The following GPR78 variants were observed in gnomAD, a reference collection of about 807,000 sequenced individuals.
GPR78 encodes the protein G protein-coupled receptor 78.
GPR78 carries 29 observed loss-of-function variants against 17.9 expected under a neutral mutation model. The observed-to-expected ratio is 1.62, with a 90% CI of 1.20 to 2.21. The LOEUF is 2.21. Among genes scored for constraint, GPR78 ranks in the 30% most tolerant of loss-of-function variants. GPR78 has a pLI of 0.00. For synonymous variants in GPR78, 349 were observed against 256.9 expected (o/e 1.36, Z -3.43); for missense variants, 649 against 530.5 (o/e 1.22, Z -2.19).
Position 8,587,445 on chromosome 4 carries a change from G to T in GPR78, c.*82G>T, listed in dbSNP as rs529805512. ...GGCCCTGCCACAGAGATGCCACTGG[G>T]GACCCCCAGACACCAGTGGCTTGAC... On this transcript the variant is annotated 3_prime_UTR_variant, in exon 3 of 3. Transcript: ENST00000382487. 2.2e-6 allele frequency: 3 copies of T among 1,383,844 alleles called. No homozygotes were observed. The South Asian group carries it at 4.0e-5, about 19-fold the overall frequency. The allele number at this position is 1,383,844 out of a possible 1,614,324, so 85.7% of individuals were successfully genotyped here. A position where few individuals can be genotyped will look rare whatever the true frequency, so the allele number is the denominator to read the frequency against.
Position 8,581,212 on chromosome 4 carries a change from G to T in GPR78, c.230G>T (p.Gly77Val). The change falls in exon 1 of 3, where the codon GGC (glycine) becomes GTC (valine). Residue 77 changes from glycine (G) to valine (V), a missense_variant. By Grantham distance (109) the Gly-to-Val change is moderately radical (BLOSUM62 -3). Coordinates refer to ENST00000382487, the MANE Select transcript of GPR78 (RefSeq NM_080819.5). The stretch of plus-strand genomic sequence containing the variant: ...CGCGGGCGGACACCGTCGGCGCCCG[G>T]CGCATGCCAAGTCATTGGCTTCCTG... ...VMRGRTPSAP[G>V]ACQVIGFLDT... 6.3e-7 allele frequency: 1 copy of T among 1,599,130 alleles called. No individual in the cohort carries two copies.
Position 8,580,966 on chromosome 4 carries a change from G to C in GPR78, c.-17G>C. On this transcript the variant is annotated 5_prime_UTR_variant, in exon 1 of 3. Transcript: ENST00000382487. ...GAGCCATGAGAACCCCAGGGTGCCTGGCGAGCCGCTAGCGCCATGGGCCCC... is the reference window on the plus strand; with the variant it reads ...GAGCCATGAGAACCCCAGGGTGCCTCGCGAGCCGCTAGCGCCATGGGCCCC... 2 of 1,539,156 alleles carry C rather than the reference G, an allele frequency of 1.3e-6. No homozygotes were observed. The highest frequency in any genetic ancestry group is 1.7e-6 in the Non-Finnish European group (2 of 1,146,730).
At position 8,580,991 on chromosome 4, in the gene GPR78, C is replaced by T. The variant is rs765637691; in HGVS notation, c.9C>T (p.Pro3=). 3.3e-5 allele frequency: 53 copies of T among 1,583,670 alleles called. No individual in the cohort carries two copies. The highest frequency in any genetic ancestry group is 4.0e-5 in the Non-Finnish European group (47 of 1,166,590). The change falls in exon 1 of 3, where the codon CCC becomes CCT. Residue 3 remains proline, a synonymous_variant. Coordinates refer to ENST00000382487, the MANE Select transcript of GPR78 (RefSeq NM_080819.5). MG[P]GEALLAGLLV... is the part of the protein sequence containing the mutation. ...GGCGAGCCGCTAGCGCCATGGGCCCCGGCGAGGCGCTGCTGGCGGGTCTCC... is the reference window on the plus strand; with the variant it reads ...GGCGAGCCGCTAGCGCCATGGGCCCTGGCGAGGCGCTGCTGGCGGGTCTCC...
At position 8,587,270 on chromosome 4, in the gene GPR78, G is replaced by A; in HGVS notation, c.999G>A (p.Val333=). The part of the protein sequence containing the change: ...HDSSLDVAGM[V]HQLLKRTPRP... Reference sequence around the variant, plus strand: ...GCTCTCTGGATGTGGCCGGCATGGTGCACCAGCTGCTGAAGAGAACCCCGC... The same window carrying A: ...GCTCTCTGGATGTGGCCGGCATGGTACACCAGCTGCTGAAGAGAACCCCGC... The change falls in exon 3 of 3, where the codon GTG becomes GTA. Residue 333 remains valine, a synonymous_variant. Coordinates refer to ENST00000382487, the MANE Select transcript of GPR78 (RefSeq NM_080819.5). 6.3e-7 allele frequency: 1 copy of A among 1,597,850 alleles called. No individual in the cohort carries two copies. Among genetic ancestry groups the A allele is most frequent in the Non-Finnish European group, 8.6e-7 (1 of 1,169,186 alleles).
intron 2 of GPR78, among the ~76,000 whole-genome samples, chr4:8,586,704 G>T (rs921029412): frequency 1.3e-5 from 2 of 152,226 alleles, no homozygotes; most frequent in African/African-American, 2.4e-5. Flanking sequence ...GTAGCTGGTT[G>T]TGTGTGCAGG....
At chr4:8,586,875 G>A (rs1283767803) in intron 2 of GPR78, among the ~76,000 whole-genome samples, 179 bp from the exon 3 acceptor site, 1 of 152,212 alleles carries the variant, frequency 6.6e-6, no homozygotes, top group Non-Finnish European at 1.5e-5. Context: ...ACTGGGCCTT[G>A]TAATCCCATT....
rs1713347187 is a variant in GPR78, at chr4:8,582,642, C to CACCT, written c.781_782insCCTA (p.Arg261ThrfsTer2). The CACCT allele has an allele frequency of 6.2e-7, 1 of 1,600,742 alleles. No homozygotes were observed. The highest frequency in any genetic ancestry group is 8.6e-7 in the Non-Finnish European group (1 of 1,167,888). ...TCTGCTTTGCCCCGTATGTCATGAC[C>CACCT]AGGTGGGTCCTGGCAGTCCGGCTCC... On this transcript the variant is annotated frameshift_variant and splice_region_variant, in exon 2 of 3. Transcript: ENST00000382487. LOFTEE classifies it low-confidence loss of function (END_TRUNC).
chr4:8,585,197 T>A (rs62288565), intron 2 of GPR78, among the ~76,000 whole-genome samples: 41,936 of 151,864 alleles, frequency 0.28, 6,378 homozygotes, highest in Middle Eastern at 0.37. Context: ...GGAGGGCAGA[T>A]GGCTACGGTC....
Position 8,580,462 on chromosome 4 carries a change from G to GGATC in GPR78, c.-520_-517dup, listed in dbSNP as rs1442310162. The GGATC allele has an allele frequency of 6.4e-6, 1 of 155,082 alleles. No homozygotes were observed. The highest frequency in any genetic ancestry group is 2.4e-5 in the African/African-American group (1 of 41,548). The allele number at this position is 155,082 out of a possible 1,614,324, so 9.6% of individuals were successfully genotyped here. On this transcript the variant is annotated 5_prime_UTR_variant, in exon 1 of 3. Coordinates refer to ENST00000382487, the MANE Select transcript of GPR78 (RefSeq NM_080819.5). ...GGCGTGGCGAGGGCTGTGCTGCCTAGGATCCACTGAGTGGCTCTTGCTGGC... is the reference window on the plus strand; with the variant it reads ...GGCGTGGCGAGGGCTGTGCTGCCTAGGATCGATCCACTGAGTGGCTCTTGCTGGC...
chr4:8,582,457 C>T, intron 1 of GPR78, 74 bp from the exon 2 acceptor site: 1 of 990,832 alleles, frequency 1.0e-6, no homozygotes, highest in South Asian at 1.3e-5. Context: ...GCCCTCACTT[C>T]AGCCCCTGGG....
chr4:8,586,962 C>G (rs1301860067), intron 2 of GPR78, 92 bp from the exon 3 acceptor site: 1 of 1,168,182 alleles, frequency 8.6e-7, no homozygotes, highest in Non-Finnish European at 1.3e-6. Context: ...GCGGTACGTA[C>G]TTGAGTATGG....
intron 2 of GPR78, among the ~76,000 whole-genome samples, chr4:8,583,222 C>T (rs371054221): frequency 5.2e-4 from 79 of 152,272 alleles, no homozygotes; most frequent in African/African-American, 1.7e-3. Context: ...TTTTTGCCTC[C>T]GGGGTTCCTG....
rs773750185 is a variant in GPR78, at chr4:8,581,311, T to C, written c.329T>C (p.Phe110Ser). The change falls in exon 1 of 3, where the codon TTC becomes TCC. Residue 110 changes from phenylalanine to serine, a missense_variant. Transcript: ENST00000382487. Reference sequence around the variant, plus strand: ...GCAGACCAGTGGCTGGCAGTGGGCTTCCCACTGCGCTACGCCGGACGCCTG... The same window carrying C: ...GCAGACCAGTGGCTGGCAGTGGGCTCCCCACTGCGCTACGCCGGACGCCTG... The part of the protein sequence containing the change: ...LSADQWLAVG[F>S]PLRYAGRLRP... The C allele has an allele frequency of 1.3e-6, 2 of 1,584,104 alleles. No individual in the cohort carries two copies. Among genetic ancestry groups the C allele is most frequent in the Non-Finnish European group, 1.7e-6 (2 of 1,171,712 alleles).
rs770168295 is a variant in GPR78, at chr4:8,586,935, T to G, written c.783-119T>G. 454 of 850,404 alleles carry G rather than the reference T, an allele frequency of 5.3e-4. 1 individual carries two copies. The highest frequency in any genetic ancestry group is 7.4e-4 in the Non-Finnish European group (400 of 539,214). The allele number at this position is 850,404 out of a possible 1,614,324, so 52.7% of individuals were successfully genotyped here. On this transcript the variant is annotated intron_variant, in intron 2 of 2. Coordinates refer to ENST00000382487, the MANE Select transcript of GPR78 (RefSeq NM_080819.5). ...GGGTGCTGGTGCAGAGCCCCCTGGC[T>G]AGTGAGCATCAGGGCTGCGGTACGT...
intron 2 of GPR78, among the ~76,000 whole-genome samples, chr4:8,584,048 G>A (rs1045740592): frequency 3.9e-5 from 6 of 152,302 alleles, no homozygotes; most frequent in South Asian, 2.1e-4. Context: ...ATGTGCCTGC[G>A]CATGCATGCA....
At chr4:8,582,695 G>A (rs1449297494) in intron 2 of GPR78, 51 bp downstream of exon 2, 1 of 1,281,550 alleles carries the variant, frequency 7.8e-7, no homozygotes, top group African/African-American at 1.5e-5. Flanking sequence ...GGTGGGCTTG[G>A]CCTCAGTTGA....
intron 2 of GPR78, chr4:8,582,851 A>G (rs775007611): frequency 2.4e-5 from 13 of 552,496 alleles, no homozygotes; most frequent in African/African-American, 5.7e-5. Flanking sequence ...ATCCTGTCCT[A>G]TAAATGAGGA....
rs79083984 is a variant in GPR78 at position 8,589,703 on chromosome 4, G to A, written c.*2340G>A. Among the ~76,000 whole-genome samples, 525 of 152,320 alleles carry A rather than the reference G, an allele frequency of 3.4e-3. 4 individuals carry two copies. The highest frequency in any genetic ancestry group is 0.012 in the African/African-American group (481 of 41,576). The stretch of plus-strand genomic sequence containing the variant: ...CTACTTTAGAGCCACTCAAGGAAAC[G>A]CGTGCACCCTGCCCTGCTGGAAGGC... On this transcript the variant is annotated 3_prime_UTR_variant, in exon 3 of 3. Coordinates refer to ENST00000382487, the MANE Select transcript of GPR78 (RefSeq NM_080819.5).
rs1021644597 is a variant in GPR78 at position 8,587,579 on chromosome 4, G to T, written c.*216G>T. The T allele has an allele frequency of 1.7e-6, 1 of 603,942 alleles. No individual in the cohort carries two copies. The highest frequency in any genetic ancestry group is 2.0e-5 in the South Asian group (1 of 49,786). 37.4% of individuals were successfully genotyped at this position (603,942 alleles called of 1,614,324 possible). ...CGGGGCTGGGCTGCCTGGCTGCTGGGTGGCCCCGGGACAGTGGCTTTTCCT... is the reference window on the plus strand; with the variant it reads ...CGGGGCTGGGCTGCCTGGCTGCTGGTTGGCCCCGGGACAGTGGCTTTTCCT... On this transcript the variant is annotated 3_prime_UTR_variant, in exon 3 of 3. Transcript: ENST00000382487.
Sources: gnomAD v4.1 joint callset for allele counts (sites outside exome capture counted in the v4.1 genomes callset) on GRCh38, gnomAD v4.1.1 for gene constraint, MANE v1.5 for transcripts, NCBI Gene and HGNC (gene_info 2026-07-23, HGNC 2026-07-21) for gene names.